CTIF: variants seen among roughly 807,000 people sequenced by gnomAD.
The protein encoded by CTIF is cap binding complex dependent translation initiation factor, also known as CBP80/20-dependent translation initiation factor.
A neutral mutation model predicts 66.0 loss-of-function variants in CTIF; 21 were observed. The observed-to-expected ratio is 0.32, with a 90% CI of 0.23 to 0.46. The LOEUF (loss-of-function observed/expected upper bound fraction) is 0.46, where lower values mean the gene tolerates loss of function less well. Among genes scored for constraint, CTIF ranks in the 20% least tolerant of loss-of-function variants. The probability of loss-of-function intolerance (pLI) is 1.00; values close to 1 mark genes in which losing one functional copy is unlikely to be tolerated. For missense variants in CTIF, 739 were observed against 812.7 expected (o/e 0.91, Z 1.10); for synonymous variants, 345 against 326.4 (o/e 1.06, Z -0.62).
chr18:48,650,476 A>G (rs1188148138), intron 3 of CTIF, among the ~76,000 whole-genome samples: 2 of 152,278 alleles, frequency 1.3e-5, no homozygotes, highest in African/African-American at 2.4e-5. Context: ...ATATAGGACT[A>G]TGTGAAAAGA....
At chr18:48,613,491 C>T (rs1055394687) in intron 1 of CTIF, among the ~76,000 whole-genome samples, 2 of 152,054 alleles carry the variant, frequency 1.3e-5, no homozygotes, top group Non-Finnish European at 2.9e-5. Context: ...AGTTTGTTTG[C>T]GTCTAGGGTG....
chr18:48,670,706 A>G lies in CTIF; in HGVS notation c.469A>G (p.Asn157Asp). The G allele has an allele frequency of 6.2e-7, 1 of 1,614,180 alleles. No homozygotes were observed. The change falls in exon 6 of 12, where the codon AAC becomes GAC. Residue 157 changes from asparagine (N) to aspartate (D), a missense_variant. Physicochemically the swap from Asn to Asp is conservative, Grantham distance 23. Around this residue, in one of 2 missense-constraint regions of CTIF, gnomAD observed 529 missense variants for 520.3 expected, o/e 1.02. Coordinates refer to ENST00000256413, the MANE Select transcript of CTIF (RefSeq NM_014772.3). ...GAAGCTGGAAGATGGGGATGGCATC[A>G]ACCTGAATGACATCGAGAAGGTCCT... ...KGKLEDGDGI[N>D]LNDIEKVLPA...
intron 1 of CTIF, among the ~76,000 whole-genome samples, chr18:48,598,886 G>A (rs1316785340): frequency 6.6e-6 from 1 of 152,146 alleles, no homozygotes; most frequent in Non-Finnish European, 1.5e-5. Flanking sequence ...CCTTTTTCCT[G>A]GAGAAAGGGC....
At chr18:48,592,497 C>CAAAAAA (rs34825594) in intron 1 of CTIF, among the ~76,000 whole-genome samples, 3 of 117,622 alleles carry the variant, frequency 2.6e-5, no homozygotes, top group Non-Finnish European at 5.3e-5. Flanking sequence ...AACCCTGTCT[C>CAAAAAA]AAAAAAAAAA....
chr18:48,633,878 C>T (rs1234196863), intron 2 of CTIF, among the ~76,000 whole-genome samples: 2 of 152,146 alleles, frequency 1.3e-5, no homozygotes, highest in Non-Finnish European at 2.9e-5. Flanking sequence ...ACACTTGTCA[C>T]TCACCTTGCC....
intron 10 of CTIF, among the ~76,000 whole-genome samples, chr18:48,853,012 G>C (rs1276417186): frequency 6.6e-6 from 1 of 152,154 alleles, no homozygotes; most frequent in Non-Finnish European, 1.5e-5. Context: ...CTTTTCAAAG[G>C]TACGTGCATC....
chr18:48,599,806 C>T (rs898626232), intron 1 of CTIF, among the ~76,000 whole-genome samples: 3 of 152,170 alleles, frequency 2.0e-5, no homozygotes, highest in African/African-American at 7.2e-5. Context: ...AGTTAGGAGG[C>T]GAAAGGGTGA....
chr18:48,540,094 G>C (rs1338089297), intron 1 of CTIF: 1 of 152,246 alleles, frequency 6.6e-6, no homozygotes, highest in Admixed American at 6.5e-5. Context: ...CGGGGGATGG[G>C]AGCAGAGGAA....
chr18:48,728,477 C>T (rs2092405355), intron 7 of CTIF, among the ~76,000 whole-genome samples: 1 of 152,208 alleles, frequency 6.6e-6, no homozygotes, highest in Admixed American at 6.5e-5. Context: ...GACGGTCAAG[C>T]ATCCAGAAGC....
chr18:48,733,748 C>G (rs2092475551), intron 7 of CTIF, among the ~76,000 whole-genome samples: 1 of 152,228 alleles, frequency 6.6e-6, no homozygotes, highest in South Asian at 2.1e-4. Flanking sequence ...AGGTCAGCTT[C>G]AGGCCACGCC....
intron 7 of CTIF, among the ~76,000 whole-genome samples, chr18:48,741,283 C>A (rs958080407): frequency 4.0e-5 from 6 of 148,950 alleles, no homozygotes; most frequent in South Asian, 2.2e-4. Context: ...TGCCCCCGCC[C>A]CCCCTCCTTG....
In CTIF at chr18:48,821,840, A is replaced by G. The variant is rs2068489477; in HGVS notation, c.1527+4464A>G. On this transcript the variant is annotated intron_variant, in intron 10 of 11. Transcript: ENST00000256413. Reference sequence around the variant, plus strand: ...TATTTTTAGTTTTACTGTGGTAAGGATACTGAATATGGATCTACCCTCTTC... The same window carrying G: ...TATTTTTAGTTTTACTGTGGTAAGGGTACTGAATATGGATCTACCCTCTTC... Among the ~76,000 whole-genome samples, 3 of 152,158 alleles carry G rather than the reference A, an allele frequency of 2.0e-5. No homozygotes were observed. In the South Asian group the frequency reaches 6.2e-4, roughly 31 times the overall value.
chr18:48,595,222 A>G (rs1338841612), intron 1 of CTIF, among the ~76,000 whole-genome samples: 2 of 152,080 alleles, frequency 1.3e-5, no homozygotes, highest in Non-Finnish European at 2.9e-5. Flanking sequence ...CTAGGATTTT[A>G]AAGGTGGCAG....
chr18:48,552,310 G>A (rs973323165), intron 1 of CTIF, among the ~76,000 whole-genome samples: 1 of 152,226 alleles, frequency 6.6e-6, no homozygotes, highest in Middle Eastern at 3.2e-3. Flanking sequence ...ACAAACTGAG[G>A]ACGGGTTCTC....
intron 7 of CTIF, among the ~76,000 whole-genome samples, chr18:48,735,262 C>T (rs1163816858): frequency 1.3e-5 from 2 of 152,128 alleles, no homozygotes; most frequent in Non-Finnish European, 2.9e-5. Context: ...GGAGAGCATT[C>T]CTGATAAGTG....
intron 1 of CTIF, among the ~76,000 whole-genome samples, chr18:48,585,298 T>C (rs2089743096): frequency 6.6e-6 from 1 of 152,232 alleles, no homozygotes; most frequent in Non-Finnish European, 1.5e-5. Flanking sequence ...AATGTAAAAC[T>C]CATTTGGATA....
chr18:48,841,923 C>T (rs2068953081), intron 10 of CTIF, among the ~76,000 whole-genome samples: 1 of 152,188 alleles, frequency 6.6e-6, no homozygotes, highest in South Asian at 2.1e-4. Context: ...CCTCAGCGCT[C>T]ACACACAAAA....
chr18:48,559,222 T>A (rs956818677), intron 1 of CTIF, among the ~76,000 whole-genome samples: 18 of 9,856 alleles, frequency 1.8e-3, no homozygotes, highest in African/African-American at 3.3e-3. Context: ...TTTGTTGTTG[T>A]TTTTTTTTTT....
intron 9 of CTIF, among the ~76,000 whole-genome samples, chr18:48,778,683 G>A (rs188064985): frequency 6.6e-6 from 1 of 152,312 alleles, no homozygotes; most frequent in Admixed American, 6.5e-5. Context: ...AGGTGGTGGG[G>A]GTGTCCAGGG....
Sources: allele counts gnomAD v4.1 joint callset (sites outside exome capture counted in the v4.1 genomes callset), GRCh38; gene constraint gnomAD v4.1.1; regional missense constraint gnomAD v4.1.1; transcripts MANE v1.5; gene names NCBI Gene and HGNC (gene_info 2026-07-23, HGNC 2026-07-21).